Variants in FA2H observed in about 807,000 individuals in gnomAD.
The protein encoded by FA2H is fatty acid 2-hydroxylase.
Under a neutral mutation model 44.9 loss-of-function variants are expected in FA2H, and 22 were observed. The observed-to-expected ratio is 0.49, with a 90% confidence interval of 0.35 to 0.70. FA2H has a LOEUF of 0.70. FA2H is among the 30% of genes least tolerant of loss of function. The probability of loss-of-function intolerance (pLI) is 0.01; values close to 1 mark genes in which losing one functional copy is unlikely to be tolerated. For missense variants in FA2H, 501 were observed against 504.9 expected, an observed-to-expected ratio of 0.99 and a Z score of 0.07; for synonymous variants, 243 against 213.2, an observed-to-expected ratio of 1.14 and a Z score of -1.22.
Position 74,716,401 on chromosome 16 carries a change from G to A in FA2H, c.985C>T (p.Leu329=). 1 of 1,614,070 alleles carries A rather than the reference G, an allele frequency of 6.2e-7. No homozygotes were observed. The highest frequency in any genetic ancestry group is 8.5e-7 in the Non-Finnish European group (1 of 1,180,010). ...HFGSPHKGSY[L]YSLKAHHVKH... ...ACGTGGTGGGCCTTCAGGCTGTACA[G>A]GTAGGAGCCCTTGTGCGGCGAGCCA... The change falls in exon 6 of 7, where the codon CTG becomes TTG. Residue 329 remains leucine (L), a synonymous_variant. Coordinates refer to ENST00000219368, the MANE Select transcript of FA2H (RefSeq NM_024306.5).
At chr16:74,773,318 A>T (rs971881558) in intron 1 of FA2H, among the ~76,000 whole-genome samples, 1 of 151,446 alleles carries the variant, frequency 6.6e-6, no homozygotes, top group African/African-American at 2.4e-5. Flanking sequence ...ATCTCTTCCT[A>T]TTGTTCTTAA....
chr16:74,744,730 G>A (rs1962382814), intron 1 of FA2H, among the ~76,000 whole-genome samples: 1 of 152,118 alleles, frequency 6.6e-6, no homozygotes, highest in African/African-American at 2.4e-5. Flanking sequence ...GGGACTATAG[G>A]TGTGCACCAC....
Position 74,727,352 on chromosome 16 carries a change from T to A in FA2H, c.398A>T (p.Gln133Leu). ...LVDWRKPLLW[Q>L]VGHLGEKYDE... The stretch of plus-strand genomic sequence containing the variant: ...GTACTTCTCTCCCAAGTGGCCCACC[T>A]GCCACAGGAGAGGCTTTCGCCAGTC... The change falls in exon 3 of 7, where the codon CAG (glutamine) becomes CTG (leucine). Residue 133 changes from glutamine to leucine, a missense_variant. Transcript: ENST00000219368. 6.2e-7 allele frequency: 1 copy of A among 1,614,268 alleles called. No homozygotes were observed. Among genetic ancestry groups the A allele is most frequent in the Non-Finnish European group, 8.5e-7 (1 of 1,180,040 alleles).
chr16:74,716,507 G>A lies in FA2H; in HGVS notation c.879C>T (p.Pro293=), dbSNP rs2301865. 1,285,307 of 1,612,910 alleles carry A rather than the reference G, an allele frequency of 0.8. 514,126 individuals are homozygous for A. Among genetic ancestry groups the A allele is most frequent in the Middle Eastern group, 0.83 (5,051 of 6,060 alleles). Residue 293 remains proline (P), a synonymous_variant, in exon 6 of 7, where the codon CCC becomes CCT. Transcript: ENST00000219368. ...VFYLCMQLIL[P]EAVGGTVFAG... ...CAAACACAGTGCCCCCTACTGCCTC[G>A]GGCAGGATGAGCTGCATGCACAAGT...
chr16:74,770,513 G>A (rs1962886285), intron 1 of FA2H, among the ~76,000 whole-genome samples: 1 of 152,132 alleles, frequency 6.6e-6, no homozygotes, highest in South Asian at 2.1e-4. Flanking sequence ...TGAGTAGCTG[G>A]GACTGCAGGC....
intron 1 of FA2H, among the ~76,000 whole-genome samples, chr16:74,756,019 TGAAAG>T (rs1962605407): frequency 6.6e-6 from 1 of 152,198 alleles, no homozygotes; most frequent in South Asian, 2.1e-4. Flanking sequence ...GCAATTCTGA[TGAAAG>T]GAACGAGGAG....
At chr16:74,731,406 AG>A (rs1413050200) in intron 2 of FA2H, among the ~76,000 whole-genome samples, 1 of 151,896 alleles carries the variant, frequency 6.6e-6, no homozygotes, top group African/African-American at 2.4e-5. Flanking sequence ...CACCTCCCAA[AG>A]TGCTGGGATT....
intron 1 of FA2H, among the ~76,000 whole-genome samples, chr16:74,750,790 T>TGTGTGTGTGTGC (rs1555540831): frequency 8.9e-4 from 135 of 151,486 alleles, no homozygotes; most frequent in African/African-American, 3.2e-3. Flanking sequence ...TGTGTGTGTG[T>TGTGTGTGTGTGC]TTAAGAGACA....
chr16:74,716,253 A>G, intron 6 of FA2H, 94 bp downstream of exon 6: 1 of 1,453,570 alleles, frequency 6.9e-7, no homozygotes, highest in Non-Finnish European at 9.5e-7. Context: ...CCGTACATGG[A>G]ACAGTGCCTT....
At chr16:74,754,043 A>G (rs933816110) in intron 1 of FA2H, among the ~76,000 whole-genome samples, 4 of 152,174 alleles carry the variant, frequency 2.6e-5, no homozygotes, top group Non-Finnish European at 4.4e-5. Context: ...ATAGTTCTCC[A>G]ATGAGCATTC....
At position 74,754,309 on chromosome 16, in the gene FA2H, C is replaced by T. The variant is rs542692500; in HGVS notation, c.271-14194G>A. On this transcript the variant is annotated intron_variant, in intron 1 of 6. Transcript: ENST00000219368. ...TATGTGGGAGGCTGAGGCAGGAGAA[C>T]TACTTGAGCCTGGGAGGTGGAGGTT... Among the ~76,000 whole-genome samples, 6 of 152,166 alleles carry T rather than the reference C, an allele frequency of 3.9e-5. No homozygotes were observed. The South Asian group carries it at 8.3e-4, about 21-fold the overall frequency.
intron 1 of FA2H, among the ~76,000 whole-genome samples, chr16:74,743,651 G>T (rs1324124819): frequency 6.6e-6 from 1 of 152,182 alleles, no homozygotes; most frequent in Non-Finnish European, 1.5e-5. Context: ...AAGGGGGTCG[G>T]CATGGCCTCT....
chr16:74,774,576 G>A lies in FA2H; in HGVS notation c.180C>T (p.Ala60=). The change falls in exon 1 of 7, where the codon GCC becomes GCT. Residue 60 remains alanine (A), a synonymous_variant. Transcript: ENST00000219368. ...LRARAGQDIS[A]DLDGPPHRHS... ...GCCTGTGCGGCGGCCCGTCCAGGTC[G>A]GCGCTGATGTCCTGGCCCGCCCTGG... 1 of 1,539,112 alleles carries A rather than the reference G, an allele frequency of 6.5e-7. No homozygotes were observed. The highest frequency in any genetic ancestry group is 8.7e-7 in the Non-Finnish European group (1 of 1,152,548).
chr16:74,727,813 A>C (rs1236810208), intron 2 of FA2H, among the ~76,000 whole-genome samples: 1 of 152,092 alleles, frequency 6.6e-6, no homozygotes, highest in Non-Finnish European at 1.5e-5. Context: ...CTTGCTCAGG[A>C]CTCTTGAGGT....
intron 1 of FA2H, among the ~76,000 whole-genome samples, chr16:74,762,575 G>C: frequency 6.6e-6 from 1 of 152,058 alleles, no homozygotes; most frequent in East Asian, 1.9e-4. Flanking sequence ...CTGTCACCTA[G>C]GCTGGAGTGC....
chr16:74,741,789 T>C (rs1357732673), intron 1 of FA2H, among the ~76,000 whole-genome samples: 4 of 72,256 alleles, frequency 5.5e-5, no homozygotes, highest in Non-Finnish European at 1.1e-4. Context: ...TATATATATA[T>C]ATATATATAT....
At chr16:74,734,531 C>T (rs1962143487) in intron 2 of FA2H, among the ~76,000 whole-genome samples, 2 of 152,234 alleles carry the variant, frequency 1.3e-5, no homozygotes, top group Admixed American at 1.3e-4. Context: ...CTGCTCGGTC[C>T]CTGCCTTAGA....
intron 2 of FA2H, among the ~76,000 whole-genome samples, chr16:74,734,598 C>T (rs1263943396): frequency 6.6e-6 from 1 of 152,224 alleles, no homozygotes; most frequent in Non-Finnish European, 1.5e-5. Flanking sequence ...AGCAGCACGG[C>T]AGGGGGAAAG....
At chr16:74,730,977 C>T (rs534938012) in intron 2 of FA2H, among the ~76,000 whole-genome samples, 3 of 152,162 alleles carry the variant, frequency 2.0e-5, no homozygotes, top group African/African-American at 7.2e-5. Flanking sequence ...CTCCTTCTCC[C>T]GAAGTCCGCT....
Sources: gnomAD v4.1 joint callset for allele counts (sites outside exome capture counted in the v4.1 genomes callset) on GRCh38, gnomAD v4.1.1 for gene constraint, MANE v1.5 for transcripts, NCBI Gene and HGNC (gene_info 2026-07-23, HGNC 2026-07-21) for gene names.